Variants in NCK1 observed in about 807,000 individuals in gnomAD.
The protein encoded by NCK1 is NCK adaptor protein 1.
A neutral mutation model predicts 36.6 loss-of-function variants in NCK1; 19 were observed. The observed-to-expected ratio is 0.52, with a 90% confidence interval of 0.36 to 0.76. The LOEUF is 0.76. NCK1 is among the 30% of genes least tolerant of loss of function. The probability of loss-of-function intolerance (pLI) is 0.00; values close to 1 mark genes in which losing one functional copy is unlikely to be tolerated. For missense variants in NCK1, 358 were observed against 445.6 expected (o/e 0.80, Z 1.77); for synonymous variants, 165 against 156.0 (o/e 1.06, Z -0.43).
intron 1 of NCK1, among the ~76,000 whole-genome samples, chr3:136,882,971 T>C (rs1053692854): frequency 7.9e-5 from 12 of 152,168 alleles, no homozygotes; most frequent in African/African-American, 2.4e-4. Flanking sequence ...CAGGCTGGAG[T>C]GCAGTGGTGT....
intron 1 of NCK1, among the ~76,000 whole-genome samples, chr3:136,925,723 T>G (rs1940220757): frequency 6.6e-6 from 1 of 152,192 alleles, no homozygotes; most frequent in Non-Finnish European, 1.5e-5. Context: ...CGTACCAGTT[T>G]GTTTAATTAT....
intron 1 of NCK1, among the ~76,000 whole-genome samples, chr3:136,907,357 G>C (rs1939712253): frequency 6.6e-6 from 1 of 152,110 alleles, no homozygotes; most frequent in Admixed American, 6.5e-5. Context: ...AGTCTGGTGG[G>C]GGCTGGGCTC....
rs375778768 is a variant in NCK1, at chr3:136,876,541, G to A, written c.-19+14188G>A. 9.2e-5 allele frequency among the ~76,000 whole-genome samples: 14 copies of A among 151,788 alleles called. No homozygotes were observed. The South Asian group carries it at 1.7e-3, about 18-fold the overall frequency. On this transcript the variant is annotated intron_variant, in intron 1 of 3. Transcript: ENST00000481752. ...GCTTGGCTTTTATGAACATCCTTCC[G>A]TGTCAGTGTATATATAAATCTAAAG...
chr3:136,869,772 G>C (rs1417031258), intron 1 of NCK1, among the ~76,000 whole-genome samples: 3 of 151,976 alleles, frequency 2.0e-5, no homozygotes, highest in Admixed American at 6.6e-5. Context: ...GGAAAGGAAT[G>C]CTTATTCTCT....
rs112945974 is a variant in NCK1 at position 136,937,862 on chromosome 3, T to A, written c.227-7721T>A. ...GTGTGTATTCTTTAGGATTTTCTAT[T>A]TATAAGATCATGTCATCTGTGGATA... On this transcript the variant is annotated intron_variant, in intron 2 of 3. Transcript: ENST00000481752. Among the ~76,000 whole-genome samples, 5 of 152,230 alleles carry A rather than the reference T, an allele frequency of 3.3e-5. 1 individual carries two copies. Among genetic ancestry groups the A allele is most frequent in the African/African-American group, 1.2e-4 (5 of 41,558 alleles).
At chr3:136,942,617 A>G (rs1020592694) in intron 2 of NCK1, among the ~76,000 whole-genome samples, 8 of 152,234 alleles carry the variant, frequency 5.3e-5, no homozygotes, top group Non-Finnish European at 1.2e-4. Context: ...TCAAAGCCTG[A>G]AGATCAGCCA....
chr3:136,942,738 C>A (rs1211217713), intron 2 of NCK1, among the ~76,000 whole-genome samples: 4 of 152,194 alleles, frequency 2.6e-5, no homozygotes, highest in African/African-American at 9.7e-5. Flanking sequence ...CATGTATATT[C>A]TTTCCCATCC....
chr3:136,889,370 G>GT (rs1214264399), intron 1 of NCK1: 1 of 155,338 alleles, frequency 6.4e-6, no homozygotes, highest in Non-Finnish European at 1.4e-5. Flanking sequence ...TGTGTTCGGA[G>GT]TTTCTTCCTT....
rs750677530 is a variant in NCK1, at chr3:136,945,821, C to T, written c.465C>T (p.Phe155=). The T allele has an allele frequency of 1.2e-6, 2 of 1,614,052 alleles. No individual in the cohort carries two copies. The highest frequency in any genetic ancestry group is 1.7e-6 in the Non-Finnish European group (2 of 1,179,986). ...RGSYNGQVGW[F]PSNYVTEEGD... ...GCTACAATGGACAAGTTGGATGGTT[C>T]CCTTCAAACTATGTAACTGAAGAAG... The change falls in exon 3 of 4, where the codon TTC becomes TTT. Residue 155 remains phenylalanine, a synonymous_variant. Coordinates refer to ENST00000481752, the MANE Select transcript of NCK1 (RefSeq NM_001291999.2).
chr3:136,919,958 C>CT (rs1361868242), intron 1 of NCK1, among the ~76,000 whole-genome samples: 1 of 152,126 alleles, frequency 6.6e-6, no homozygotes, highest in Non-Finnish European at 1.5e-5. Flanking sequence ...ACCCAAGTGA[C>CT]TAAGTCCGGA....
At chr3:136,897,249 C>T (rs192107069) in intron 1 of NCK1, among the ~76,000 whole-genome samples, 114 of 152,098 alleles carry the variant, frequency 7.5e-4, no homozygotes, top group Admixed American at 7.2e-4. Context: ...CCACCATGCT[C>T]GGCTAATTTT....
intron 1 of NCK1, among the ~76,000 whole-genome samples, chr3:136,898,483 A>T (rs1033388467): frequency 8.5e-5 from 13 of 152,094 alleles, no homozygotes; most frequent in African/African-American, 2.9e-4. Context: ...TGAAGATATC[A>T]CTAAATGTCT....
At chr3:136,905,690 T>G (rs548894366) in intron 1 of NCK1, among the ~76,000 whole-genome samples, 82 of 152,188 alleles carry the variant, frequency 5.4e-4, no homozygotes, top group African/African-American at 1.8e-3. Flanking sequence ...AATGGTGTGA[T>G]CATGGCTCAG....
At chr3:136,866,667 G>A (rs1182872137) in intron 1 of NCK1, among the ~76,000 whole-genome samples, 2 of 150,266 alleles carry the variant, frequency 1.3e-5, no homozygotes, top group African/African-American at 4.9e-5. Flanking sequence ...AGGCTGGAGT[G>A]CAGTGGCACC....
At chr3:136,935,194 T>C (rs1415636448) in intron 2 of NCK1, among the ~76,000 whole-genome samples, 1 of 152,174 alleles carries the variant, frequency 6.6e-6, no homozygotes, top group African/African-American at 2.4e-5. Context: ...GCCCCCGTGC[T>C]GGGCCATTCT....
chr3:136,927,592 G>C (rs1940275617), intron 1 of NCK1, among the ~76,000 whole-genome samples: 2 of 152,102 alleles, frequency 1.3e-5, no homozygotes, highest in African/African-American at 4.8e-5. Context: ...TGCGATATCG[G>C]CTCACTGCAA....
At chr3:136,865,208 G>A (rs928915263) in intron 1 of NCK1, among the ~76,000 whole-genome samples, 6 of 151,564 alleles carry the variant, frequency 4.0e-5, no homozygotes, top group Admixed American at 2.0e-4. Flanking sequence ...CACCTGCCTC[G>A]GCCTCCCAAA....
intron 1 of NCK1, among the ~76,000 whole-genome samples, chr3:136,925,675 A>T (rs1236878490): frequency 6.6e-6 from 1 of 152,162 alleles, no homozygotes; most frequent in East Asian, 1.9e-4. Context: ...AGATTCATCC[A>T]GGTCGTTTTG....
intron 1 of NCK1, among the ~76,000 whole-genome samples, chr3:136,875,896 G>C (rs761379673): frequency 3.8e-4 from 57 of 151,578 alleles, no homozygotes; most frequent in South Asian, 6.3e-4. Context: ...TGACCACATA[G>C]TTGGAAGTAA....
Sources: gnomAD v4.1 joint callset for allele counts (sites outside exome capture counted in the v4.1 genomes callset) on GRCh38, gnomAD v4.1.1 for gene constraint, MANE v1.5 for transcripts, NCBI Gene and HGNC (gene_info 2026-07-23, HGNC 2026-07-21) for gene names.